The following SLU7 variants were observed in gnomAD, a reference collection of about 807,000 sequenced individuals.
SLU7 encodes pre-mRNA-splicing factor SLU7.
Under a neutral mutation model 87.0 loss-of-function variants are expected in SLU7, and 60 were observed. The observed-to-expected ratio is 0.69, with a 90% CI of 0.56 to 0.86. SLU7 has a LOEUF of 0.86. SLU7 is among the 40% of genes least tolerant of loss of function. SLU7 has a pLI of 0.00. For missense variants in SLU7, 507 were observed against 686.6 expected (o/e 0.74, Z 2.92); for synonymous variants, 197 against 222.0 (o/e 0.89, Z 1.00).
intron 8 of SLU7, 56 bp downstream of exon 8, chr5:160,408,273 T>G (rs1208238325): frequency 6.4e-7 from 1 of 1,555,556 alleles, no homozygotes; most frequent in East Asian, 2.3e-5. Context: ...TCGATAAAAT[T>G]TATGCTGGGA....
chr5:160,413,390 G>C, intron 5 of SLU7, 66 bp downstream of exon 5: 1 of 1,415,008 alleles, frequency 7.1e-7, no homozygotes, highest in Non-Finnish European at 9.8e-7. Context: ...GAAAAGTAGA[G>C]CTGCTAGAGA....
chr5:160,416,318 T>C (rs1765455192), intron 1 of SLU7, among the ~76,000 whole-genome samples: 1 of 152,236 alleles, frequency 6.6e-6, no homozygotes, highest in South Asian at 2.1e-4. Flanking sequence ...TAAGCTCATT[T>C]ACTTCCAAGG....
intron 2 of SLU7, 115 bp downstream of exon 2, chr5:160,415,010 A>C (rs543297165): frequency 2.2e-6 from 2 of 902,668 alleles, no homozygotes; most frequent in Non-Finnish European, 3.3e-6. Flanking sequence ...AAAATAAAAA[A>C]CAAAAATGAC....
intron 1 of SLU7, among the ~76,000 whole-genome samples, chr5:160,416,575 A>T (rs893400181): frequency 6.6e-6 from 1 of 152,192 alleles, no homozygotes; most frequent in Non-Finnish European, 1.5e-5. Context: ...TTAATGAAAG[A>T]CAACACCATC....
intron 6 of SLU7, among the ~76,000 whole-genome samples, chr5:160,410,806 T>C (rs960798366): frequency 2.5e-4 from 38 of 152,024 alleles, no homozygotes; most frequent in African/African-American, 9.2e-4. Context: ...ATAAGCTTCC[T>C]GGGGGTAGGT....
In SLU7 at chr5:160,404,835, C is replaced by T. The variant is rs772140597; in HGVS notation, c.1438G>A (p.Val480Met). 8.1e-6 allele frequency: 13 copies of T among 1,610,972 alleles called. No homozygotes were observed. Among genetic ancestry groups the T allele is most frequent in the African/African-American group, 2.7e-5 (2 of 74,832 alleles). Residue 480 changes from valine (V) to methionine (M), a missense_variant, in exon 14 of 16, where the codon GTG (valine) becomes ATG (methionine). Physicochemically the swap from Val to Met is conservative, Grantham distance 21. Transcript: ENST00000297151. ...TCCATGAGGGTTTGAGGTTTTTTCACAGATTCTTCCCCAGTTATCTCATTT... is the reference window on the plus strand; with the variant it reads ...TCCATGAGGGTTTGAGGTTTTTTCATAGATTCTTCCCCAGTTATCTCATTT... ...IINEITGEES[V>M]KKPQTLMELH...
intron 1 of SLU7, among the ~76,000 whole-genome samples, chr5:160,417,509 T>C (rs1031305255): frequency 6.6e-6 from 1 of 152,102 alleles, no homozygotes; most frequent in Non-Finnish European, 1.5e-5. Context: ...TAGTGACACC[T>C]GGGTGCGATG....
At position 160,415,423 on chromosome 5, in the gene SLU7, T is replaced by C. The variant is rs146409324; in HGVS notation, c.-16-113A>G. ...GTTTCATATGTTTTTTTTTCTCCTA[T>C]ATTATGTGTAAGGAAGGGTCTCTTC... On this transcript the variant is annotated intron_variant, in intron 1 of 15. Coordinates refer to ENST00000297151, the MANE Select transcript of SLU7 (RefSeq NM_006425.5). 188 of 734,472 alleles carry C rather than the reference T, an allele frequency of 2.6e-4. 2 individuals carry two copies. The East Asian group carries it at 4.9e-3, about 19-fold the overall frequency. The allele number at this position is 734,472 out of a possible 1,614,324, so 45.5% of individuals were successfully genotyped here.
At chr5:160,406,333 C>T in intron 12 of SLU7, 135 bp downstream of exon 12, 1 of 673,830 alleles carries the variant, frequency 1.5e-6, no homozygotes, top group Middle Eastern at 2.7e-4. Flanking sequence ...GAAAAAATTC[C>T]ATGAAACAGT....
At position 160,402,802 on chromosome 5, in the gene SLU7, G is replaced by A. The variant is rs1219345662; in HGVS notation, c.*483C>T. 1 of 152,208 alleles carries A rather than the reference G, an allele frequency of 6.6e-6. No homozygotes were observed. Among genetic ancestry groups the A allele is most frequent in the Non-Finnish European group, 1.5e-5 (1 of 68,090 alleles). The allele number at this position is 152,208 out of a possible 1,614,324, so 9.4% of individuals were successfully genotyped here. On this transcript the variant is annotated 3_prime_UTR_variant, in exon 16 of 16. Transcript: ENST00000297151. ...GGAGGCTGAGGCGGGTGGATCACAA[G>A]GTCAGGAGATCGAGACCATCCTGGC...
chr5:160,408,130 T>G (rs1020345705), intron 8 of SLU7, 62 bp from the exon 9 acceptor site: 2 of 1,268,062 alleles, frequency 1.6e-6, no homozygotes, highest in African/African-American at 3.0e-5. Context: ...TTCAGCAGAC[T>G]AGTTGGAGGA....
chr5:160,407,335 T>C lies in SLU7; in HGVS notation c.1125+141A>G. 1.4e-6 allele frequency: 1 copy of C among 704,344 alleles called. No individual in the cohort carries two copies. The allele number at this position is 704,344 out of a possible 1,614,324, so 43.6% of individuals were successfully genotyped here. A position where few individuals can be genotyped will look rare whatever the true frequency, so the allele number is the denominator to read the frequency against. On this transcript the variant is annotated intron_variant, in intron 11 of 15. Coordinates refer to ENST00000297151, the MANE Select transcript of SLU7 (RefSeq NM_006425.5). The surrounding 1 kb of genome is among the most constrained non-coding windows in gnomAD (Gnocchi z 4.2). ...AGCTCATACAAAATTACCATCTGAC[T>C]AAGAGAAAGGAAGAAAAGGACTATT...
At position 160,407,326 on chromosome 5, in the gene SLU7, C is replaced by A. The variant is rs1038813968; in HGVS notation, c.1125+150G>T. ...TGCTGCAAAAGCTCATACAAAATTA[C>A]CATCTGACTAAGAGAAAGGAAGAAA... On this transcript the variant is annotated intron_variant, in intron 11 of 15. Transcript: ENST00000297151. This position sits in a 1 kb window ranked among gnomAD's most constrained non-coding sequence, Gnocchi z 4.2. The A allele has an allele frequency of 1.0e-4, 52 of 500,112 alleles. No individual in the cohort carries two copies. In the Admixed American group the frequency reaches 1.3e-3, roughly 12 times the overall value. 31.0% of individuals were successfully genotyped at this position (500,112 alleles called of 1,614,324 possible). A position where few individuals can be genotyped will look rare whatever the true frequency, so the allele number is the denominator to read the frequency against.
chr5:160,403,318 T>C lies in SLU7; in HGVS notation c.1728A>G (p.Pro576=). The C allele has an allele frequency of 6.2e-7, 1 of 1,610,128 alleles. No homozygotes were observed. The highest frequency in any genetic ancestry group is 1.1e-5 in the South Asian group (1 of 90,272). Residue 576 remains proline (P), a synonymous_variant, in exon 16 of 16, where the codon CCA becomes CCG. Coordinates refer to ENST00000297151, the MANE Select transcript of SLU7 (RefSeq NM_006425.5). ...MEAYRMKRQR[P]DDPMASFLGQ is the part of the protein sequence containing the mutation. ...CAAGGAAAGAGGCCATGGGGTCATC[T>C]GGCCTCTGACGTTTCATTCTATATG...
At chr5:160,411,180 T>C (rs896958976) in intron 6 of SLU7, among the ~76,000 whole-genome samples, 7 of 152,048 alleles carry the variant, frequency 4.6e-5, no homozygotes, top group Non-Finnish European at 8.8e-5. Context: ...AATTCACTTT[T>C]CTAAGAGCAT....
chr5:160,413,767 T>G (rs1765338415), intron 4 of SLU7, 132 bp downstream of exon 4: 11 of 951,232 alleles, frequency 1.2e-5, no homozygotes, highest in Admixed American at 3.0e-5. Flanking sequence ...TTGAACCAAT[T>G]CCACTGAAAC....
Position 160,404,789 on chromosome 5 carries a change from A to G in SLU7, c.1464+20T>C, listed in dbSNP as rs1441877664. The G allele has an allele frequency of 6.4e-7, 1 of 1,565,756 alleles. No individual in the cohort carries two copies. Among genetic ancestry groups the G allele is most frequent in the Non-Finnish European group, 8.8e-7 (1 of 1,136,538 alleles). On this transcript the variant is annotated intron_variant, in intron 14 of 15. Transcript: ENST00000297151. ...TCCCTCCAGGACTTAAAAATTCAGGACAAATGATTATCAACTTACCTCCAT... is the reference window on the plus strand; with the variant it reads ...TCCCTCCAGGACTTAAAAATTCAGGGCAAATGATTATCAACTTACCTCCAT...
chr5:160,414,925 A>G (rs1765389574), intron 2 of SLU7, among the ~76,000 whole-genome samples, 200 bp downstream of exon 2: 1 of 152,216 alleles, frequency 6.6e-6, no homozygotes, highest in Admixed American at 6.5e-5. Flanking sequence ...GGGAACGGTA[A>G]AAAAGGACTG....
In SLU7 at chr5:160,402,855, A is replaced by G. The variant is rs546685149; in HGVS notation, c.*430T>C. On this transcript the variant is annotated 3_prime_UTR_variant, in exon 16 of 16. Transcript: ENST00000297151. ...ACACGATGAAACCGTCTCTACTAAA[A>G]ATACAAAAAATTAGCTGAGCATGGT... 1 of 152,550 alleles carries G rather than the reference A, an allele frequency of 6.6e-6. No individual in the cohort carries two copies. The highest frequency in any genetic ancestry group is 1.9e-4 in the East Asian group (1 of 5,180). The allele number at this position is 152,550 out of a possible 1,614,324, so 9.4% of individuals were successfully genotyped here. A position where few individuals can be genotyped will look rare whatever the true frequency, so the allele number is the denominator to read the frequency against.
Sources: gnomAD v4.1 joint callset for allele counts (sites outside exome capture counted in the v4.1 genomes callset) on GRCh38, gnomAD v4.1.1 for gene constraint, Gnocchi (gnomAD v3.1) non-coding constraint, MANE v1.5 for transcripts, NCBI Gene and HGNC (gene_info 2026-07-23, HGNC 2026-07-21) for gene names.